ERLIN2: variants seen among roughly 807,000 people sequenced by gnomAD.
The protein encoded by ERLIN2 is ER lipid raft associated 2, also known as erlin-2.
Under a neutral mutation model 41.5 loss-of-function variants are expected in ERLIN2, and 22 were observed. The ratio of observed to expected loss-of-function variants is 0.53; its 90% CI spans 0.38 to 0.76. The LOEUF is 0.76. Among genes scored for constraint, ERLIN2 ranks in the 30% least tolerant of loss-of-function variants. The pLI is 0.00. For missense variants in ERLIN2, 247 were observed against 414.3 expected, an observed-to-expected ratio of 0.60 and a Z score of 3.51; for synonymous variants, 149 against 150.9, an observed-to-expected ratio of 0.99 and a Z score of 0.09.
intron 4 of ERLIN2, among the ~76,000 whole-genome samples, chr8:37,743,931 C>T (rs1165046266): frequency 1.3e-5 from 2 of 152,082 alleles, no homozygotes; most frequent in East Asian, 3.9e-4. Context: ...TATTTGAGGG[C>T]AAAGGGAGTG....
chr8:37,755,277 T>C lies in ERLIN2; in HGVS notation c.*1162T>C, dbSNP rs1238675074. ...TCATGCCCAAGTCCCCAGGTTGGAA[T>C]GGCTGTGCCAAAATCCATTCAAAGG... On this transcript the variant is annotated 3_prime_UTR_variant, in exon 12 of 12. Transcript: ENST00000519638. 6.6e-6 allele frequency: 1 copy of C among 152,276 alleles called. No individual in the cohort carries two copies. The highest frequency in any genetic ancestry group is 2.4e-5 in the African/African-American group (1 of 41,476). The allele number at this position is 152,276 out of a possible 1,614,324, so 9.4% of individuals were successfully genotyped here.
chr8:37,750,429 C>T lies in ERLIN2; in HGVS notation c.592C>T (p.Gln198Ter). 6.2e-7 allele frequency: 1 copy of T among 1,613,824 alleles called. No individual in the cohort carries two copies. Among genetic ancestry groups the T allele is most frequent in the South Asian group, 1.1e-5 (1 of 91,072 alleles). Residue 198 changes from glutamine to a stop codon, truncating the protein, a stop_gained, in exon 9 of 12, where the codon CAG becomes TAG. Transcript: ENST00000519638. LOFTEE classifies it high-confidence loss of function. ...SEKTKLLIAA[Q>*]KQKVVEKEAE... ...GAAGACAAAGCTTCTCATTGCCGCC[C>T]AGAAACAGAAGGTGGTGGAAAAGGA... is the stretch of plus-strand genomic sequence containing the variant.
intron 6 of ERLIN2, chr8:37,745,506 C>A: frequency 6.5e-7 from 1 of 1,532,526 alleles, no homozygotes; most frequent in Non-Finnish European, 9.0e-7. Flanking sequence ...CAGAAATTCT[C>A]TAATAGCCAA....
intron 9 of ERLIN2, 65 bp downstream of exon 9, chr8:37,750,551 A>G: frequency 1.5e-6 from 2 of 1,351,278 alleles, no homozygotes. Context: ...GGAAGATGCA[A>G]GGAGGCTAAG....
chr8:37,738,423 C>T (rs1802730199), intron 2 of ERLIN2, among the ~76,000 whole-genome samples: 1 of 150,880 alleles, frequency 6.6e-6, no homozygotes, highest in South Asian at 2.1e-4. Context: ...GCAGTCTTAG[C>T]TCTACACTGC....
At position 37,753,529 on chromosome 8, in the gene ERLIN2, G is replaced by A. The variant is rs779335579; in HGVS notation, c.819G>A (p.Lys273=). The change falls in exon 11 of 12, where the codon AAG becomes AAA. Residue 273 remains lysine (K), a splice_region_variant and synonymous_variant. Coordinates refer to ENST00000519638, the MANE Select transcript of ERLIN2 (RefSeq NM_007175.8). ...CTATGAAAATAGCCGAAGCCAATAA[G>A]GTAAAGACCCCGCACAGCCTGATAA... The part of the protein sequence containing the change: ...YTAMKIAEAN[K]LKLTPEYLQL... 1 of 1,613,748 alleles carries A rather than the reference G, an allele frequency of 6.2e-7. No individual in the cohort carries two copies. Among genetic ancestry groups the A allele is most frequent in the Non-Finnish European group, 8.5e-7 (1 of 1,179,694 alleles).
intron 6 of ERLIN2, among the ~76,000 whole-genome samples, chr8:37,749,116 C>A (rs1803153846): frequency 6.6e-6 from 1 of 152,186 alleles, no homozygotes. Flanking sequence ...TTAATGTGCT[C>A]AGCTCTTTCC....
intron 1 of ERLIN2, 101 bp from the exon 2 acceptor site, chr8:37,737,807 G>C: frequency 7.2e-7 from 1 of 1,395,274 alleles, no homozygotes; most frequent in Non-Finnish European, 1.0e-6. Flanking sequence ...GGCTGGATAT[G>C]AGTCACTCGC....
At position 37,754,092 on chromosome 8, in the gene ERLIN2, G is replaced by C; in HGVS notation, c.997G>C (p.Glu333Gln). ...CTTTGGCTTAGAAGATGAACCCTTG[G>C]AGACGGCCACTAAGGAGAATTGAAA... is the stretch of plus-strand genomic sequence containing the variant. ...LSFGLEDEPL[E>Q]TATKEN Residue 333 changes from glutamate to glutamine, a missense_variant, in exon 12 of 12, where the codon GAG becomes CAG. By Grantham distance (29) the Glu-to-Gln change is conservative. Transcript: ENST00000519638. 6.8e-6 allele frequency: 11 copies of C among 1,613,968 alleles called. No individual in the cohort carries two copies. Among genetic ancestry groups the C allele is most frequent in the Non-Finnish European group, 8.5e-6 (10 of 1,179,916 alleles).
rs1175181879 is a variant in ERLIN2, at chr8:37,755,581, C to T, written c.*1466C>T. 5 of 124,206 alleles carry T rather than the reference C, an allele frequency of 4.0e-5. No individual in the cohort carries two copies. Among genetic ancestry groups the T allele is most frequent in the Admixed American group, 7.9e-5 (1 of 12,692 alleles). 7.7% of individuals were successfully genotyped at this position (124,206 alleles called of 1,614,324 possible). On this transcript the variant is annotated 3_prime_UTR_variant, in exon 12 of 12. Coordinates refer to ENST00000519638, the MANE Select transcript of ERLIN2 (RefSeq NM_007175.8). The stretch of plus-strand genomic sequence containing the variant: ...CCCCCCACCCCCCACCCCCCCCCCC[C>T]GCCAACTCCTATACCCATCTTCCCT...
Position 37,738,886 on chromosome 8 carries a change from AAAAAT to A in ERLIN2, c.107+865_107+869del, listed in dbSNP as rs1301815703. Among the ~76,000 whole-genome samples the A allele has an allele frequency of 3.3e-5, 5 of 152,338 alleles. No individual in the cohort carries two copies. In the East Asian group the frequency reaches 9.6e-4, roughly 29 times the overall value. On this transcript the variant is annotated intron_variant, in intron 2 of 11. Coordinates refer to ENST00000519638, the MANE Select transcript of ERLIN2 (RefSeq NM_007175.8). ...GGTGACAGAGCAAGACCCTGTCTCT[AAAAAT>A]AAAATAATATTAACATTTCAAGAAA...
intron 4 of ERLIN2, among the ~76,000 whole-genome samples, chr8:37,742,094 A>G (rs2129663073): frequency 6.6e-6 from 1 of 152,250 alleles, no homozygotes; most frequent in East Asian, 1.9e-4. Context: ...CTGTAATCCC[A>G]GCACTTTGGG....
chr8:37,745,619 A>C (rs1194822665), intron 6 of ERLIN2: 7 of 1,614,140 alleles, frequency 4.3e-6, no homozygotes, highest in Non-Finnish European at 5.9e-6. Context: ...ACCCTGAGCA[A>C]GAACATTTTT....
At position 37,755,745 on chromosome 8, in the gene ERLIN2, G is replaced by A. The variant is rs1046764883; in HGVS notation, c.*1630G>A. The A allele has an allele frequency of 1.3e-5, 2 of 152,058 alleles. No homozygotes were observed. The highest frequency in any genetic ancestry group is 1.5e-5 in the Non-Finnish European group (1 of 68,026). The allele number at this position is 152,058 out of a possible 1,614,324, so 9.4% of individuals were successfully genotyped here. On this transcript the variant is annotated 3_prime_UTR_variant, in exon 12 of 12. Coordinates refer to ENST00000519638, the MANE Select transcript of ERLIN2 (RefSeq NM_007175.8). Reference sequence around the variant, plus strand: ...GTTTTGGGAGCATTGAGCCTGCCTAGAAAGATACAGTGTTAGCTCCCCTTA... The same window carrying A: ...GTTTTGGGAGCATTGAGCCTGCCTAAAAAGATACAGTGTTAGCTCCCCTTA...
Position 37,757,203 on chromosome 8 carries a change from ATACT to A in ERLIN2, c.*3093_*3096del, listed in dbSNP as rs1281929792. Reference sequence around the variant, plus strand: ...CGTAAATAGTGAAAGTAAGATGGTCATACTTACTGACTTTATCTATTTAAGTTTG... The same window carrying A: ...CGTAAATAGTGAAAGTAAGATGGTCATACTGACTTTATCTATTTAAGTTTG... On this transcript the variant is annotated 3_prime_UTR_variant, in exon 12 of 12. Coordinates refer to ENST00000519638, the MANE Select transcript of ERLIN2 (RefSeq NM_007175.8). The A allele has an allele frequency of 1.3e-5, 2 of 152,208 alleles. No homozygotes were observed. Among genetic ancestry groups the A allele is most frequent in the Admixed American group, 6.5e-5 (1 of 15,284 alleles). The allele number at this position is 152,208 out of a possible 1,614,324, so 9.4% of individuals were successfully genotyped here.
At chr8:37,744,460 A>C (rs762933183) in intron 5 of ERLIN2, 44 bp downstream of exon 5, 2 of 1,609,664 alleles carry the variant, frequency 1.2e-6, no homozygotes, top group East Asian at 2.2e-5. Flanking sequence ...CACTTTCCCC[A>C]GCATGCCACT....
rs1301463719 is a variant in ERLIN2, at chr8:37,754,012, T to C, written c.917T>C (p.Met306Thr). The change falls in exon 12 of 12, where the codon ATG becomes ACG. Residue 306 changes from methionine to threonine, a missense_variant. Coordinates refer to ENST00000519638, the MANE Select transcript of ERLIN2 (RefSeq NM_007175.8). The part of the protein sequence containing the change: ...YFGKDIPNMF[M>T]DSAGSVSKQF... ...GGCAAAGACATTCCTAACATGTTCA[T>C]GGACTCTGCGGGCAGTGTGAGCAAG... 1 of 1,613,948 alleles carries C rather than the reference T, an allele frequency of 6.2e-7. No homozygotes were observed. Among genetic ancestry groups the C allele is most frequent in the Non-Finnish European group, 8.5e-7 (1 of 1,179,904 alleles).
chr8:37,747,808 T>G (rs117576528), intron 6 of ERLIN2: 1 of 1,614,184 alleles, frequency 6.2e-7, no homozygotes. Flanking sequence ...ACAAAACTTA[T>G]GGGCATGTTT....
At chr8:37,737,746 G>C (rs1355945554) in intron 1 of ERLIN2, 162 bp from the exon 2 acceptor site, 5 of 742,702 alleles carry the variant, frequency 6.7e-6, no homozygotes, top group Non-Finnish European at 1.1e-5. Flanking sequence ...CGTTGACTGA[G>C]AACGAGGAGG....
Sources: allele counts gnomAD v4.1 joint callset (sites outside exome capture counted in the v4.1 genomes callset), GRCh38; gene constraint gnomAD v4.1.1; transcripts MANE v1.5; gene names NCBI Gene and HGNC (gene_info 2026-07-23, HGNC 2026-07-21).